The following PLXDC2 variants were observed in gnomAD, a reference collection of about 807,000 sequenced individuals.
The protein encoded by PLXDC2 is plexin domain containing 2.
In PLXDC2, 40 loss-of-function variants were observed where a neutral mutation model predicts 68.9. That is an observed-to-expected ratio of 0.58 (90% CI 0.45 to 0.76). The LOEUF (loss-of-function observed/expected upper bound fraction) is 0.76, where lower values mean the gene tolerates loss of function less well. PLXDC2 is among the 30% of genes least tolerant of loss of function. The pLI is 0.00. For synonymous variants in PLXDC2, 243 were observed against 234.2 expected (o/e 1.04, Z -0.34); for missense variants, 644 against 661.9 (o/e 0.97, Z 0.30).
intron 12 of PLXDC2, among the ~76,000 whole-genome samples, chr10:20,238,662 A>AAAATATATATATATGTAT (rs1175526348): frequency 6.9e-4 from 22 of 31,714 alleles, no homozygotes; most frequent in Admixed American, 1.5e-3. Context: ...TCTCAAAAAA[A>AAAATATATATATATGTAT]ATATATATAT....
intron 1 of PLXDC2, among the ~76,000 whole-genome samples, chr10:19,922,022 C>T (rs894052939): frequency 6.6e-6 from 1 of 152,112 alleles, no homozygotes; most frequent in Non-Finnish European, 1.5e-5. Context: ...CCATGCCCGA[C>T]TAATTTTTGT....
chr10:20,279,897 C>A lies in PLXDC2; in HGVS notation c.*78C>A. 9.8e-7 allele frequency: 1 copy of A among 1,017,268 alleles called. No homozygotes were observed. The highest frequency in any genetic ancestry group is 1.5e-6 in the Non-Finnish European group (1 of 651,952). 63.0% of individuals were successfully genotyped at this position (1,017,268 alleles called of 1,614,324 possible). ...ATTTTGCCTATACCTTTAAGACAAA[C>A]AAACAAACACACACACAAACAAGCT... On this transcript the variant is annotated 3_prime_UTR_variant, in exon 14 of 14. Coordinates refer to ENST00000377252, the MANE Select transcript of PLXDC2 (RefSeq NM_032812.9).
chr10:20,060,567 C>T (rs1836084098), intron 3 of PLXDC2, among the ~76,000 whole-genome samples: 1 of 151,046 alleles, frequency 6.6e-6, no homozygotes, highest in African/African-American at 2.4e-5. Flanking sequence ...GTGCCTAGGC[C>T]CAGGTGTTGC....
intron 1 of PLXDC2, among the ~76,000 whole-genome samples, chr10:19,983,842 C>G (rs185586188): frequency 2.2e-4 from 34 of 152,316 alleles, no homozygotes; most frequent in Non-Finnish European, 4.9e-4. Context: ...TAACTCTTAA[C>G]AGTCCCTCAC....
chr10:19,971,582 A>G (rs1429204815), intron 1 of PLXDC2, among the ~76,000 whole-genome samples: 1 of 152,186 alleles, frequency 6.6e-6, no homozygotes, highest in Non-Finnish European at 1.5e-5. Flanking sequence ...ATTCTTGGAT[A>G]AAGACAAATG....
chr10:20,116,780 A>C (rs2461938), intron 4 of PLXDC2, among the ~76,000 whole-genome samples: 48,798 of 152,014 alleles, frequency 0.32, 10,338 homozygotes, highest in Non-Finnish European at 0.48. Flanking sequence ...ATGTTCTACA[A>C]AATATTTTAT....
At chr10:20,211,599 T>G in intron 9 of PLXDC2, 70 bp from the exon 10 acceptor site, 2 of 1,421,192 alleles carry the variant, frequency 1.4e-6, no homozygotes, top group Middle Eastern at 1.8e-4. Context: ...AATCTTTTAC[T>G]TTTAATTTCT....
At chr10:19,937,337 G>A (rs1373781464) in intron 1 of PLXDC2, among the ~76,000 whole-genome samples, 1 of 151,600 alleles carries the variant, frequency 6.6e-6, no homozygotes, top group African/African-American at 2.4e-5. Context: ...AATATGCCAG[G>A]GTTTTGGTCT....
intron 4 of PLXDC2, among the ~76,000 whole-genome samples, chr10:20,125,023 G>A (rs1328807847): frequency 6.6e-6 from 1 of 152,090 alleles, no homozygotes; most frequent in Non-Finnish European, 1.5e-5. Context: ...TTTCTTAATT[G>A]CTTATAAATA....
chr10:19,831,755 T>A (rs948082054), intron 1 of PLXDC2, among the ~76,000 whole-genome samples: 8 of 152,234 alleles, frequency 5.3e-5, no homozygotes, highest in African/African-American at 1.4e-4. Context: ...AAGGATATGA[T>A]CTCATTCTTT....
At position 20,025,902 on chromosome 10, in the gene PLXDC2, A is replaced by C. The variant is rs992143183; in HGVS notation, c.325-20967A>C. Reference sequence around the variant, plus strand: ...TTAATTTTATATATTAATTAACTAAATTTATTATATTGCTGACAATTCTAA... The same window carrying C: ...TTAATTTTATATATTAATTAACTAACTTTATTATATTGCTGACAATTCTAA... On this transcript the variant is annotated intron_variant, in intron 2 of 13. Transcript: ENST00000377252. Among the ~76,000 whole-genome samples the C allele has an allele frequency of 2.7e-5, 4 of 150,474 alleles. No homozygotes were observed. In the East Asian group the frequency reaches 7.7e-4, roughly 29 times the overall value.
At chr10:20,184,752 CT>C (rs758172500) in intron 9 of PLXDC2, among the ~76,000 whole-genome samples, 113 of 151,930 alleles carry the variant, frequency 7.4e-4, no homozygotes, top group Non-Finnish European at 1.4e-3. Context: ...ATGAATATGC[CT>C]TTTTCCTTTG....
intron 3 of PLXDC2, among the ~76,000 whole-genome samples, chr10:20,048,433 A>C (rs957781912): frequency 1.5e-4 from 23 of 152,110 alleles, no homozygotes; most frequent in African/African-American, 4.6e-4. Flanking sequence ...ACAGATTTAG[A>C]AATAATTCAC....
intron 1 of PLXDC2, among the ~76,000 whole-genome samples, chr10:19,823,179 G>A (rs973426027): frequency 6.6e-6 from 1 of 152,014 alleles, no homozygotes; most frequent in African/African-American, 2.4e-5. Flanking sequence ...GCCTCCCAAA[G>A]TGCTGGGATG....
chr10:19,948,290 T>C (rs1833936425), intron 1 of PLXDC2, among the ~76,000 whole-genome samples: 1 of 152,112 alleles, frequency 6.6e-6, no homozygotes, highest in Admixed American at 6.5e-5. Context: ...AAGGATGCCA[T>C]TTCTCAAATT....
At chr10:19,844,477 G>A (rs1017367714) in intron 1 of PLXDC2, among the ~76,000 whole-genome samples, 4 of 151,986 alleles carry the variant, frequency 2.6e-5, no homozygotes, top group Admixed American at 2.6e-4. Flanking sequence ...AATAGAGGAG[G>A]GTCTTGCTTT....
intron 11 of PLXDC2, among the ~76,000 whole-genome samples, chr10:20,218,650 T>C (rs2131864868): frequency 6.6e-6 from 1 of 152,304 alleles, no homozygotes; most frequent in East Asian, 1.9e-4. Context: ...GTTAAATTTG[T>C]AAATATTGAC....
intron 1 of PLXDC2, among the ~76,000 whole-genome samples, chr10:19,945,331 G>A (rs1833883761): frequency 1.3e-5 from 2 of 152,086 alleles, no homozygotes; most frequent in Non-Finnish European, 2.9e-5. Context: ...GTTTAACAAG[G>A]GAGTCCCTTG....
At chr10:20,097,165 G>T (rs1009054110) in intron 4 of PLXDC2, among the ~76,000 whole-genome samples, 1 of 152,120 alleles carries the variant, frequency 6.6e-6, no homozygotes, top group African/African-American at 2.4e-5. Context: ...GAGAGTATAT[G>T]TAACGCAGTT....
Sources: allele counts gnomAD v4.1 joint callset (sites outside exome capture counted in the v4.1 genomes callset), GRCh38; gene constraint gnomAD v4.1.1; transcripts MANE v1.5; gene names NCBI Gene and HGNC (gene_info 2026-07-23, HGNC 2026-07-21).